Variants in WAC observed in about 807,000 individuals in gnomAD.
WAC encodes WW domain-containing adapter protein with coiled-coil.
Under a neutral mutation model 79.6 loss-of-function variants are expected in WAC, and 11 were observed. The observed-to-expected ratio is 0.14, with a 90% CI of 0.09 to 0.23. WAC has a LOEUF of 0.23. WAC is among the 10% of genes least tolerant of loss of function. The pLI is 1.00. For missense variants in WAC, 728 were observed against 773.5 expected (o/e 0.94, Z 0.70); for synonymous variants, 304 against 276.9 (o/e 1.10, Z -0.97).
At chr10:28,566,670 A>T (rs1307405191) in intron 3 of WAC, among the ~76,000 whole-genome samples, 1 of 152,226 alleles carries the variant, frequency 6.6e-6, no homozygotes, top group African/African-American at 2.4e-5. Context: ...TTCTCTTACC[A>T]TAAGACATTA....
At chr10:28,575,087 A>C (rs1032451722) in intron 3 of WAC, among the ~76,000 whole-genome samples, 1 of 152,234 alleles carries the variant, frequency 6.6e-6, no homozygotes, top group Non-Finnish European at 1.5e-5. Flanking sequence ...TTCAACTAAT[A>C]GAGGATATCC....
At chr10:28,545,666 C>A (rs1004129889) in intron 3 of WAC, among the ~76,000 whole-genome samples, 1 of 152,098 alleles carries the variant, frequency 6.6e-6, no homozygotes, top group African/African-American at 2.4e-5. Flanking sequence ...GTAATGTGTT[C>A]TTGTTTTAAA....
intron 4 of WAC, among the ~76,000 whole-genome samples, chr10:28,586,869 G>T (rs995941504): frequency 6.6e-6 from 1 of 152,126 alleles, no homozygotes; most frequent in Non-Finnish European, 1.5e-5. Flanking sequence ...TGCCAATTTT[G>T]ATTTGCTGGG....
chr10:28,547,947 T>C (rs1837453963), intron 3 of WAC, among the ~76,000 whole-genome samples: 1 of 146,246 alleles, frequency 6.8e-6, no homozygotes, highest in African/African-American at 2.5e-5. Context: ...TGAGAGAGAG[T>C]TTCGCTCTTG....
At position 28,534,019 on chromosome 10, in the gene WAC, C is replaced by G. The variant is rs770378490; in HGVS notation, c.63C>G (p.Asp21Glu). The G allele has an allele frequency of 1.3e-5, 20 of 1,599,604 alleles. No homozygotes were observed. The highest frequency in any genetic ancestry group is 1.7e-5 in the Non-Finnish European group (20 of 1,173,438). ...TCAGCTGTCACGACCGGAGGGGGGA[C>G]TCGCAGCCTTACCAGGTACCAGCCG... ...LSDGCHDRRG[D>E]SQPYQALKYS... Residue 21 changes from aspartate to glutamate, a missense_variant, in exon 2 of 14, where the codon GAC becomes GAG. Physicochemically the swap from Asp to Glu is conservative, Grantham distance 45. Around this residue, in one of 3 missense-constraint regions of WAC, gnomAD observed 648 missense variants for 661.5 expected, o/e 0.98. Coordinates refer to ENST00000354911, the MANE Select transcript of WAC (RefSeq NM_016628.5).
chr10:28,570,882 A>T (rs1838914297), intron 3 of WAC, among the ~76,000 whole-genome samples: 1 of 151,922 alleles, frequency 6.6e-6, no homozygotes, highest in Non-Finnish European at 1.5e-5. Flanking sequence ...GTTGGGGAAA[A>T]AATTAGATAA....
intron 3 of WAC, among the ~76,000 whole-genome samples, chr10:28,547,915 C>CTTTTTTTTTTTTTTTTTT (rs11408560): frequency 7.6e-6 from 1 of 132,328 alleles, no homozygotes; most frequent in Non-Finnish European, 1.6e-5. Context: ...TTCTCTTTTT[C>CTTTTTTTTTTTTTTTTTT]TTTTTTTTTT....
In WAC at chr10:28,608,351, T is replaced by A. The variant is rs1278939019; in HGVS notation, c.1085T>A (p.Leu362His). The change falls in exon 8 of 14, where the codon CTT (leucine) becomes CAT (histidine). Residue 362 changes from leucine (L) to histidine (H), a missense_variant. Physicochemically the swap from Leu to His is moderately conservative, Grantham distance 99. This residue lies in a region of WAC where 648 missense variants were observed against 661.5 expected (regional missense o/e 0.98). Coordinates refer to ENST00000354911, the MANE Select transcript of WAC (RefSeq NM_016628.5). ...PIPPLLQDPNLLRQLLPALQA... is the reference protein window; with the variant it reads ...PIPPLLQDPNHLRQLLPALQA... ...CCTCCCTTACTTCAGGACCCAAATC[T>A]TCTTAGACAATTGCTTCCTGCTTTG... 3 of 1,614,124 alleles carry A rather than the reference T, an allele frequency of 1.9e-6. No individual in the cohort carries two copies. Among genetic ancestry groups the A allele is most frequent in the Non-Finnish European group, 2.5e-6 (3 of 1,179,994 alleles).
chr10:28,573,420 C>T (rs1332106857), intron 3 of WAC, among the ~76,000 whole-genome samples: 1 of 152,046 alleles, frequency 6.6e-6, no homozygotes, highest in African/African-American at 2.4e-5. Context: ...TGGCTTCTTT[C>T]ACTTAGTGTT....
intron 12 of WAC, among the ~76,000 whole-genome samples, chr10:28,617,049 C>CTCCA (rs1387761305): frequency 6.6e-6 from 1 of 152,174 alleles, no homozygotes; most frequent in Non-Finnish European, 1.5e-5. Context: ...CACCACTGTA[C>CTCCA]TCCAGCCTGG....
chr10:28,535,174 T>A (rs1439824279), intron 2 of WAC: 1 of 152,708 alleles, frequency 6.5e-6, no homozygotes, highest in East Asian at 1.9e-4. Context: ...TATTTATACA[T>A]GTGTTTGTGT....
intron 3 of WAC, among the ~76,000 whole-genome samples, chr10:28,581,661 G>A (rs1451493995): frequency 1.3e-5 from 2 of 151,926 alleles, no homozygotes; most frequent in East Asian, 3.9e-4. Context: ...TTCAAGTGAT[G>A]CTCATGCTCC....
At chr10:28,571,923 A>G (rs567854601) in intron 3 of WAC, among the ~76,000 whole-genome samples, 1 of 152,392 alleles carries the variant, frequency 6.6e-6, no homozygotes, top group African/African-American at 2.4e-5. Flanking sequence ...AAATTTTTAT[A>G]AAACTTACTG....
intron 11 of WAC, 165 bp from the exon 12 acceptor site, chr10:28,616,008 T>C (rs1229454158): frequency 1.8e-6 from 1 of 546,698 alleles, no homozygotes; most frequent in Non-Finnish European, 3.0e-6. Flanking sequence ...TGAGGAATCA[T>C]ATACTTTGGA....
chr10:28,599,285 G>A (rs1840525145), intron 7 of WAC, among the ~76,000 whole-genome samples: 1 of 152,212 alleles, frequency 6.6e-6, no homozygotes, highest in Non-Finnish European at 1.5e-5. Flanking sequence ...AGCACTGATA[G>A]TATAGCTGAG....
Position 28,620,289 on chromosome 10 carries a change from C to T in WAC, c.*683C>T, listed in dbSNP as rs970297112. 1 of 152,538 alleles carries T rather than the reference C, an allele frequency of 6.6e-6. No homozygotes were observed. The highest frequency in any genetic ancestry group is 1.5e-5 in the Non-Finnish European group (1 of 68,028). The allele number at this position is 152,538 out of a possible 1,614,324, so 9.4% of individuals were successfully genotyped here. A position where few individuals can be genotyped will look rare whatever the true frequency, so the allele number is the denominator to read the frequency against. ...GGCACTTTTCTATAACCTTTTCATT[C>T]CTGTGTACAGTAGCTTAAAATTGCA... On this transcript the variant is annotated 3_prime_UTR_variant, in exon 14 of 14. Transcript: ENST00000354911.
intron 3 of WAC, among the ~76,000 whole-genome samples, chr10:28,573,510 T>A (rs1839087624): frequency 6.6e-6 from 1 of 152,222 alleles, no homozygotes; most frequent in Non-Finnish European, 1.5e-5. Context: ...CCAGTAATTC[T>A]CAGAGCCTAT....
At chr10:28,585,524 G>A (rs1288775655) in intron 4 of WAC, among the ~76,000 whole-genome samples, 1 of 152,038 alleles carries the variant, frequency 6.6e-6, no homozygotes, top group East Asian at 1.9e-4. Context: ...ATTTGTGATG[G>A]GTCATTTTCT....
intron 7 of WAC, among the ~76,000 whole-genome samples, chr10:28,603,789 C>T (rs946408884): frequency 6.6e-6 from 1 of 151,006 alleles, no homozygotes; most frequent in Non-Finnish European, 1.5e-5. Flanking sequence ...AAAAAATTAG[C>T]CGGTCGAGGT....
Sources: gnomAD v4.1 joint callset for allele counts (sites outside exome capture counted in the v4.1 genomes callset) on GRCh38, gnomAD v4.1.1 for gene constraint, gnomAD v4.1.1 regional missense constraint, MANE v1.5 for transcripts, NCBI Gene and HGNC (gene_info 2026-07-23, HGNC 2026-07-21) for gene names.